RHOB: variants seen among roughly 807,000 people sequenced by gnomAD.
RHOB encodes the protein rho-related GTP-binding protein RhoB.
RHOB carries 6 observed loss-of-function variants against 12.9 expected under a neutral mutation model. The observed-to-expected ratio is 0.47, with a 90% CI of 0.25 to 0.92. The LOEUF is 0.92. Ranked by LOEUF, RHOB falls within the 40% of genes least tolerant of loss-of-function variation. The probability of loss-of-function intolerance (pLI) is 0.16; values close to 1 mark genes in which losing one functional copy is unlikely to be tolerated. For synonymous variants in RHOB, 168 were observed against 122.1 expected (o/e 1.38, Z -2.48); for missense variants, 142 against 277.9 (o/e 0.51, Z 3.48).
rs1573124061 is a variant in RHOB at position 20,447,621 on chromosome 2, G to A, written c.156G>A (p.Gln52=). Residue 52 remains glutamine, a synonymous_variant, in exon 1 of 1, where the codon CAG becomes CAA. Transcript: ENST00000272233. ...CCGACATTGAGGTGGACGGCAAGCA[G>A]GTGGAGCTGGCGCTGTGGGACACGG... ...YVADIEVDGK[Q]VELALWDTAG... is the part of the protein sequence containing the mutation. 6.2e-7 allele frequency: 1 copy of A among 1,614,124 alleles called. No homozygotes were observed. The highest frequency in any genetic ancestry group is 2.2e-5 in the East Asian group (1 of 44,878).
Position 20,447,504 on chromosome 2 carries a change from C to T in RHOB, c.39C>T (p.Asp13=). The T allele has an allele frequency of 1.2e-6, 2 of 1,613,094 alleles. No individual in the cohort carries two copies. Among genetic ancestry groups the T allele is most frequent in the South Asian group, 1.1e-5 (1 of 91,032 alleles). Residue 13 remains aspartate, a synonymous_variant, in exon 1 of 1, where the codon GAC becomes GAT. Transcript: ENST00000272233. ...GCAAGAAGCTGGTGGTGGTGGGCGA[C>T]GGCGCGTGTGGCAAGACGTGCCTGC... ...AIRKKLVVVG[D]GACGKTCLLI... is the part of the protein sequence containing the mutation.
At position 20,447,478 on chromosome 2, in the gene RHOB, C is replaced by G; in HGVS notation, c.13C>G (p.Arg5Gly). ...GCCCGGCCCGCTCATGGCGGCCATC[C>G]GCAAGAAGCTGGTGGTGGTGGGCGA... MAAI[R>G]KKLVVVGDGA... The change falls in exon 1 of 1, where the codon CGC becomes GGC. Residue 5 changes from arginine to glycine, a missense_variant. By Grantham distance (125) the Arg-to-Gly change is moderately radical. This residue lies in a region of RHOB where 29 missense variants were observed against 111.5 expected (regional missense o/e 0.26). Coordinates refer to ENST00000272233, the MANE Select transcript of RHOB (RefSeq NM_004040.4). 6.2e-7 allele frequency: 1 copy of G among 1,609,282 alleles called. No homozygotes were observed. The highest frequency in any genetic ancestry group is 8.5e-7 in the Non-Finnish European group (1 of 1,177,370).
chr2:20,447,631 G>A lies in RHOB; in HGVS notation c.166G>A (p.Ala56Thr). ...GGTGGACGGCAAGCAGGTGGAGCTG[G>A]CGCTGTGGGACACGGCGGGCCAGGA... is the stretch of plus-strand genomic sequence containing the variant. ...IEVDGKQVELALWDTAGQEDY... is the reference protein window; with the variant it reads ...IEVDGKQVELTLWDTAGQEDY... The change falls in exon 1 of 1, where the codon GCG becomes ACG. Residue 56 changes from alanine (A) to threonine (T), a missense_variant. Ala to Thr is a moderately conservative substitution (Grantham distance 58). Coordinates refer to ENST00000272233, the MANE Select transcript of RHOB (RefSeq NM_004040.4). 1 of 1,614,098 alleles carries A rather than the reference G, an allele frequency of 6.2e-7. No individual in the cohort carries two copies. The highest frequency in any genetic ancestry group is 8.5e-7 in the Non-Finnish European group (1 of 1,180,036).
At position 20,448,554 on chromosome 2, in the gene RHOB, T is replaced by A. The variant is rs1255521192; in HGVS notation, c.*498T>A. ...AGGATGGGGGGATGTTATATAAATATAGATATAATTTTATTTTCGGAGCTA... is the reference window on the plus strand; with the variant it reads ...AGGATGGGGGGATGTTATATAAATAAAGATATAATTTTATTTTCGGAGCTA... On this transcript the variant is annotated 3_prime_UTR_variant, in exon 1 of 1. Coordinates refer to ENST00000272233, the MANE Select transcript of RHOB (RefSeq NM_004040.4). 3 of 168,214 alleles carry A rather than the reference T, an allele frequency of 1.8e-5. No individual in the cohort carries two copies. Among genetic ancestry groups the A allele is most frequent in the African/African-American group, 4.8e-5 (2 of 41,472 alleles). 10.4% of individuals were successfully genotyped at this position (168,214 alleles called of 1,614,324 possible).
At position 20,448,092 on chromosome 2, in the gene RHOB, G is replaced by T; in HGVS notation, c.*36G>T. On this transcript the variant is annotated 3_prime_UTR_variant, in exon 1 of 1. Transcript: ENST00000272233. The stretch of plus-strand genomic sequence containing the variant: ...CGTCGCGCCTGCCCCTGCCGGCACG[G>T]CTCCCCCTCCTGGACCAGTCCCCCG... The T allele has an allele frequency of 6.5e-7, 1 of 1,544,516 alleles. No homozygotes were observed.
Position 20,448,047 on chromosome 2 carries a change from G to A in RHOB, c.582G>A (p.Lys194=). The A allele has an allele frequency of 6.2e-7, 1 of 1,607,026 alleles. No individual in the cohort carries two copies. The highest frequency in any genetic ancestry group is 1.1e-5 in the South Asian group (1 of 90,888). The change falls in exon 1 of 1, where the codon AAG becomes AAA. Residue 194 remains lysine, a synonymous_variant. Transcript: ENST00000272233. ...AGAACGGCTGCATCAACTGCTGCAA[G>A]GTGCTATGAGGGCCGCGCCCGTCGC... ...GSQNGCINCC[K]VL
chr2:20,447,325 A>G lies in RHOB; in HGVS notation c.-141A>G, dbSNP rs1313755065. On this transcript the variant is annotated 5_prime_UTR_variant, in exon 1 of 1. Transcript: ENST00000272233. ...GCCGCGGCAGCCGAAGCGCAGCGAG[A>G]GAACGCGCCACCGCGGGGCCCGGGT... is the stretch of plus-strand genomic sequence containing the variant. 5.4e-6 allele frequency: 3 copies of G among 559,998 alleles called. No homozygotes were observed. Among genetic ancestry groups the G allele is most frequent in the Admixed American group, 8.8e-5 (2 of 22,794 alleles). 34.7% of individuals were successfully genotyped at this position (559,998 alleles called of 1,614,324 possible). A position where few individuals can be genotyped will look rare whatever the true frequency, so the allele number is the denominator to read the frequency against.
Position 20,447,487 on chromosome 2 carries a change from CTGG to C in RHOB, c.32_34del (p.Val11del). On this transcript the variant is annotated inframe_deletion, in exon 1 of 1. Coordinates refer to ENST00000272233, the MANE Select transcript of RHOB (RefSeq NM_004040.4). ...GCTCATGGCGGCCATCCGCAAGAAG[CTGG>C]TGGTGGTGGGCGACGGCGCGTGTGG... 3 of 1,611,496 alleles carry C rather than the reference CTGG, an allele frequency of 1.9e-6. No homozygotes were observed. The highest frequency in any genetic ancestry group is 8.5e-7 in the Non-Finnish European group (1 of 1,178,492).
chr2:20,447,927 C>A lies in RHOB; in HGVS notation c.462C>A (p.Tyr154Ter). The A allele has an allele frequency of 6.2e-7, 1 of 1,613,200 alleles. No individual in the cohort carries two copies. ...GRAMAVRIQA[Y>*]DYLECSAKTK... ...CCATGGCCGTGCGCATCCAAGCCTA[C>A]GACTACCTCGAGTGCTCTGCCAAGA... Residue 154 changes from tyrosine (Y) to a stop codon, truncating the protein, a stop_gained, in exon 1 of 1, where the codon TAC becomes TAA. Coordinates refer to ENST00000272233, the MANE Select transcript of RHOB (RefSeq NM_004040.4). LOFTEE classifies it high-confidence loss of function.
Position 20,447,446 on chromosome 2 carries a change from T to C in RHOB, c.-20T>C. 6.3e-7 allele frequency: 1 copy of C among 1,580,640 alleles called. No homozygotes were observed. On this transcript the variant is annotated 5_prime_UTR_variant, in exon 1 of 1. Transcript: ENST00000272233. ...GAGGCGTTCGCGGGCCCCCTCCTGCTGCCCGGGCCCGGCCCGCTCATGGCG... is the reference window on the plus strand; with the variant it reads ...GAGGCGTTCGCGGGCCCCCTCCTGCCGCCCGGGCCCGGCCCGCTCATGGCG...
chr2:20,448,259 G>GT lies in RHOB; in HGVS notation c.*204dup. ...TCCCAGTGTCTGTGTGCGTCCAGCT[G>GT]TGTTGCACAGGCCTGGGCTCCCCAC... On this transcript the variant is annotated 3_prime_UTR_variant, in exon 1 of 1. Transcript: ENST00000272233. 1.6e-6 allele frequency: 1 copy of GT among 613,008 alleles called. No homozygotes were observed. The highest frequency in any genetic ancestry group is 2.0e-5 in the South Asian group (1 of 50,140). 38.0% of individuals were successfully genotyped at this position (613,008 alleles called of 1,614,324 possible).
rs890535526 is a variant in RHOB, at chr2:20,447,993, C to G, written c.528C>G (p.Arg176=). 3 of 1,612,672 alleles carry G rather than the reference C, an allele frequency of 1.9e-6. No homozygotes were observed. The highest frequency in any genetic ancestry group is 1.1e-5 in the South Asian group (1 of 91,072). Residue 176 remains arginine (R), a synonymous_variant, in exon 1 of 1, where the codon CGC becomes CGG. Transcript: ENST00000272233. ...GCGAGGTCTTCGAGACGGCCACGCG[C>G]GCCGCGCTGCAGAAGCGCTACGGCT... ...GVREVFETAT[R]AALQKRYGSQ...
rs1691016886 is a variant in RHOB at position 20,447,337 on chromosome 2, C to T, written c.-129C>T. ...GAAGCGCAGCGAGAGAACGCGCCAC[C>T]GCGGGGCCCGGGTGCAGCTAGCGAC... On this transcript the variant is annotated 5_prime_UTR_variant, in exon 1 of 1. Coordinates refer to ENST00000272233, the MANE Select transcript of RHOB (RefSeq NM_004040.4). 2 of 648,958 alleles carry T rather than the reference C, an allele frequency of 3.1e-6. No individual in the cohort carries two copies. Among genetic ancestry groups the T allele is most frequent in the Non-Finnish European group, 4.6e-6 (2 of 432,262 alleles). 40.2% of individuals were successfully genotyped at this position (648,958 alleles called of 1,614,324 possible).
Position 20,448,130 on chromosome 2 carries a change from A to G in RHOB, c.*74A>G, listed in dbSNP as rs2149248232. On this transcript the variant is annotated 3_prime_UTR_variant, in exon 1 of 1. Coordinates refer to ENST00000272233, the MANE Select transcript of RHOB (RefSeq NM_004040.4). The stretch of plus-strand genomic sequence containing the variant: ...GACCAGTCCCCCGCGAGCCCGGAGA[A>G]GGGGAGACCCGTGTCCCACAAGGAC... 1 of 1,308,748 alleles carries G rather than the reference A, an allele frequency of 7.6e-7. No individual in the cohort carries two copies. Among genetic ancestry groups the G allele is most frequent in the Admixed American group, 2.3e-5 (1 of 44,232 alleles). 81.1% of individuals were successfully genotyped at this position (1,308,748 alleles called of 1,614,324 possible). A position where few individuals can be genotyped will look rare whatever the true frequency, so the allele number is the denominator to read the frequency against.
At position 20,447,171 on chromosome 2, in the gene RHOB, T is replaced by TGCTGCCCGAGCCC. The variant is rs1691012460; in HGVS notation, c.-292_-280dup. 3.3e-6 allele frequency: 1 copy of TGCTGCCCGAGCCC among 307,558 alleles called. No homozygotes were observed. The highest frequency in any genetic ancestry group is 5.9e-6 in the Non-Finnish European group (1 of 169,168). 19.1% of individuals were successfully genotyped at this position (307,558 alleles called of 1,614,324 possible). On this transcript the variant is annotated 5_prime_UTR_variant, in exon 1 of 1. Coordinates refer to ENST00000272233, the MANE Select transcript of RHOB (RefSeq NM_004040.4). Reference sequence around the variant, plus strand: ...CTAGGCCGAGTCCACCGCCCGAGTCTGCTGCCCGAGCCCGCGTTACGCACA... The same window carrying TGCTGCCCGAGCCC: ...CTAGGCCGAGTCCACCGCCCGAGTCTGCTGCCCGAGCCCGCTGCCCGAGCCCGCGTTACGCACA...
rs1167248572 is a variant in RHOB, at chr2:20,447,859, G to A, written c.394G>A (p.Ala132Thr). 3 of 1,613,492 alleles carry A rather than the reference G, an allele frequency of 1.9e-6. No homozygotes were observed. ...RSDEHVRTELARMKQEPVRTD... is the reference protein window; with the variant it reads ...RSDEHVRTELTRMKQEPVRTD... The stretch of plus-strand genomic sequence containing the variant: ...CGACGAGCATGTCCGCACAGAGCTG[G>A]CCCGCATGAAGCAGGAACCCGTGCG... Residue 132 changes from alanine to threonine, a missense_variant, in exon 1 of 1, where the codon GCC becomes ACC. Around this residue, in one of 2 missense-constraint regions of RHOB, gnomAD observed 113 missense variants for 166.3 expected, o/e 0.68. Coordinates refer to ENST00000272233, the MANE Select transcript of RHOB (RefSeq NM_004040.4).
rs1027548784 is a variant in RHOB at position 20,448,990 on chromosome 2, T to C, written c.*934T>C. ...GACAGTAGCATTCTGACCACACTTG[T>C]ACGCTGTAACCTCATCTACTTCTGA... is the stretch of plus-strand genomic sequence containing the variant. On this transcript the variant is annotated 3_prime_UTR_variant, in exon 1 of 1. Coordinates refer to ENST00000272233, the MANE Select transcript of RHOB (RefSeq NM_004040.4). The C allele has an allele frequency of 2.4e-5, 4 of 167,164 alleles. No homozygotes were observed. The highest frequency in any genetic ancestry group is 5.9e-5 in the Non-Finnish European group (4 of 68,136). 10.4% of individuals were successfully genotyped at this position (167,164 alleles called of 1,614,324 possible).
Position 20,447,567 on chromosome 2 carries a change from C to A in RHOB, c.102C>A (p.Tyr34Ter). ...GTAAGGACGAGTTCCCCGAGGTGTACGTGCCCACCGTCTTCGAGAACTATG... is the reference window on the plus strand; with the variant it reads ...GTAAGGACGAGTTCCCCGAGGTGTAAGTGCCCACCGTCTTCGAGAACTATG... ...VFSKDEFPEVYVPTVFENYVA... is the reference protein window; with the variant it reads ...VFSKDEFPEV The change falls in exon 1 of 1, where the codon TAC becomes TAA. Residue 34 changes from tyrosine to a stop codon, truncating the protein, a stop_gained. Coordinates refer to ENST00000272233, the MANE Select transcript of RHOB (RefSeq NM_004040.4). LOFTEE classifies it high-confidence loss of function. 1.2e-6 allele frequency: 2 copies of A among 1,614,062 alleles called. No homozygotes were observed. The highest frequency in any genetic ancestry group is 1.7e-6 in the Non-Finnish European group (2 of 1,180,014).
chr2:20,447,387 G>A lies in RHOB; in HGVS notation c.-79G>A. The stretch of plus-strand genomic sequence containing the variant: ...CCCTCTCGCCACCTGCGCGCAGCCC[G>A]AGGTGAGCAGTGAGCGGCGAGCGGG... On this transcript the variant is annotated 5_prime_UTR_variant, in exon 1 of 1. Coordinates refer to ENST00000272233, the MANE Select transcript of RHOB (RefSeq NM_004040.4). 8.6e-7 allele frequency: 1 copy of A among 1,161,664 alleles called. No individual in the cohort carries two copies. 72.0% of individuals were successfully genotyped at this position (1,161,664 alleles called of 1,614,324 possible).
Sources: gnomAD v4.1 joint callset for allele counts on GRCh38, gnomAD v4.1.1 for gene constraint, gnomAD v4.1.1 regional missense constraint, MANE v1.5 for transcripts, NCBI Gene and HGNC (gene_info 2026-07-23, HGNC 2026-07-21) for gene names.